NBPF12: variants seen among roughly 807,000 people sequenced by gnomAD.
NBPF12 encodes the protein NBPF family member NBPF12.
A neutral mutation model predicts 146.4 loss-of-function variants in NBPF12; 115 were observed. The observed-to-expected ratio is 0.79, with a 90% CI of 0.68 to 0.92. NBPF12 has a LOEUF of 0.92. NBPF12 is among the 40% of genes least tolerant of loss of function. The probability of loss-of-function intolerance (pLI) is 0.00; values close to 1 mark genes in which losing one functional copy is unlikely to be tolerated. For synonymous variants in NBPF12, 385 were observed against 508.9 expected, an observed-to-expected ratio of 0.76 and a Z score of 3.28; for missense variants, 1,205 against 1,326.8, an observed-to-expected ratio of 0.91 and a Z score of 1.43.
At chr1:146,968,678 C>A in intron 10 of NBPF12, 128 bp downstream of exon 13, 1 of 810,998 alleles carries the variant, frequency 1.2e-6, no homozygotes, top group Admixed American at 2.0e-5. Flanking sequence ...GGCAGGCTCG[C>A]TACACACAAA....
intron 20 of NBPF12, among the ~76,000 whole-genome samples, chr1:146,983,922 C>T (rs1342889066): frequency 9.6e-5 from 14 of 146,158 alleles, no homozygotes; most frequent in African/African-American, 3.3e-4. Flanking sequence ...GATAACATTC[C>T]AACACAGGGG....
In NBPF12 at chr1:146,994,606, C is replaced by T. The variant is rs1163017386; in HGVS notation, c.*31C>T. 7 of 1,588,780 alleles carry T rather than the reference C, an allele frequency of 4.4e-6. No homozygotes were observed. In the Admixed American group the frequency reaches 7.0e-5, roughly 16 times the overall value. Reference sequence around the variant, plus strand: ...CCTTACTAAGCCGAGAGGTTTCATTCCTGCAGGCAGGACCTATAGGCACCT... The same window carrying T: ...CCTTACTAAGCCGAGAGGTTTCATTTCTGCAGGCAGGACCTATAGGCACCT... On this transcript the variant is annotated 3_prime_UTR_variant, in exon 34 of 34. Coordinates refer to ENST00000617844, the Ensembl canonical transcript of NBPF12.
intron 31 of NBPF12, among the ~76,000 whole-genome samples, chr1:146,992,468 G>GTT (rs1658248956): frequency 6.9e-5 from 5 of 72,140 alleles, no homozygotes; most frequent in South Asian, 5.9e-4. Flanking sequence ...CTCTCTGTGT[G>GTT]TGTGTGTGTG....
upstream of NBPF12, among the ~76,000 whole-genome samples, chr1:146,945,461 C>T (rs1417518888): frequency 3.4e-3 from 524 of 151,946 alleles, 8 homozygotes; most frequent in Middle Eastern, 0.024. Context: ...GATCTGCTAG[C>T]TGTGTTCCGG....
upstream of NBPF12, among the ~76,000 whole-genome samples, chr1:146,948,735 G>C (rs1174904112): frequency 1.3e-5 from 2 of 151,718 alleles, no homozygotes; most frequent in Non-Finnish European, 2.9e-5. Context: ...ACCCGTAAAG[G>C]GTCTGTGCTG....
At chr1:146,947,812 G>A (rs1448264553), upstream of NBPF12, among the ~76,000 whole-genome samples, 44 of 151,212 alleles carry the variant, frequency 2.9e-4, no homozygotes, top group Admixed American at 5.3e-4. Context: ...TCTAGGGATG[G>A]TTTTTGGGGG....
chr1:146,984,577 C>CTGTGTGTG (rs1195588193), intron 21 of NBPF12, among the ~76,000 whole-genome samples: 92 of 132,786 alleles, frequency 6.9e-4, no homozygotes, highest in African/African-American at 2.1e-3. Flanking sequence ...TGAGCTCACA[C>CTGTGTGTG]TGTGTGTGTG....
chr1:146,946,127 T>TA (rs1443420869), upstream of NBPF12, among the ~76,000 whole-genome samples: 2 of 152,002 alleles, frequency 1.3e-5, no homozygotes, highest in African/African-American at 2.4e-5. Context: ...GCTTGTTTTG[T>TA]AAAATCACTG....
chr1:146,964,423 C>T lies in NBPF12; in HGVS notation c.560C>T (p.Ala187Val), dbSNP rs1656059441. 37 of 1,600,988 alleles carry T rather than the reference C, an allele frequency of 2.3e-5. 1 individual carries two copies. The South Asian group carries it at 3.6e-4, about 16-fold the overall frequency. ...GATGAGAAAGTACTGGAATCATCTGCCCCCAGGTAACACTGAATACTCAGG... is the reference window on the plus strand; with the variant it reads ...GATGAGAAAGTACTGGAATCATCTGTCCCCAGGTAACACTGAATACTCAGG... Residue 187 changes from alanine to valine, a missense_variant, in exon 7 of 34, where the codon GCC becomes GTC. Ala to Val is a moderately conservative substitution (Grantham distance 64, BLOSUM62 0). Around this residue, in one of 16 missense-constraint regions of NBPF12, gnomAD observed 325 missense variants for 236.6 expected, o/e 1.37. Transcript: ENST00000617844.
At chr1:146,985,934 G>C (rs1251690264) in intron 23 of NBPF12, among the ~76,000 whole-genome samples, 178 bp downstream of exon 26, 26 of 146,572 alleles carry the variant, frequency 1.8e-4, no homozygotes, top group African/African-American at 6.1e-4. Flanking sequence ...TCCTCCCCTT[G>C]TCATTTACTA....
At chr1:146,963,694 T>C (rs1325180071) in intron 6 of NBPF12, among the ~76,000 whole-genome samples, 1 of 151,594 alleles carries the variant, frequency 6.6e-6, no homozygotes, top group Non-Finnish European at 1.5e-5. Context: ...GATTTATCTT[T>C]CCAGAGTTTC....
At chr1:146,970,688 G>A (rs1260241608) in exon 12 of NBPF12, 4 of 1,428,438 alleles carry the variant, frequency 2.8e-6, no homozygotes, top group Middle Eastern at 2.4e-4. Context: ...AGTTGAGGAG[G>A]ATGAGAAAGT....
chr1:146,948,897 A>T (rs1553883611), upstream of NBPF12, among the ~76,000 whole-genome samples: 36,067 of 149,038 alleles, frequency 0.24, 4,245 homozygotes, highest in South Asian at 0.47. Flanking sequence ...CCGCCTTAGG[A>T]CTGGAGGTGG....
intron 33 of NBPF12, among the ~76,000 whole-genome samples, chr1:146,993,963 T>G (rs1553889816): frequency 2.1e-5 from 1 of 48,140 alleles, no homozygotes; most frequent in Non-Finnish European, 3.8e-5. Context: ...TTTGAGCATA[T>G]TTTATGGAAA....
chr1:146,947,316 C>A (rs1487196157), upstream of NBPF12, among the ~76,000 whole-genome samples: 1 of 150,842 alleles, frequency 6.6e-6, no homozygotes, highest in Non-Finnish European at 1.5e-5. Context: ...CTTCTCTTCC[C>A]TGTGACCTGT....
chr1:146,947,209 C>A (rs1655114532), upstream of NBPF12, among the ~76,000 whole-genome samples: 1 of 151,750 alleles, frequency 6.6e-6, no homozygotes, highest in African/African-American at 2.4e-5. Context: ...TTAGTCTGGT[C>A]TTCAAGGAGT....
chr1:146,963,646 TG>T (rs1324259300), intron 6 of NBPF12, among the ~76,000 whole-genome samples: 9 of 152,044 alleles, frequency 5.9e-5, no homozygotes, highest in Admixed American at 4.6e-4. Context: ...GTTCCCAGGC[TG>T]TCTTTTTGGC....
At chr1:146,969,112 A>T (rs1159620285) in intron 10 of NBPF12, among the ~76,000 whole-genome samples, 1 of 151,190 alleles carries the variant, frequency 6.6e-6, no homozygotes, top group African/African-American at 2.4e-5. Flanking sequence ...TCTTTTTGAA[A>T]CGGAATTAGG....
intron 12 of NBPF12, 144 bp downstream of exon 15, chr1:146,970,863 G>T: frequency 1.0e-6 from 1 of 986,072 alleles, no homozygotes; most frequent in Non-Finnish European, 1.6e-6. Flanking sequence ...CTTAGACACA[G>T]GGTGTGGCAG....
Sources: gnomAD v4.1 joint callset for allele counts (sites outside exome capture counted in the v4.1 genomes callset) on GRCh38, gnomAD v4.1.1 for gene constraint, gnomAD v4.1.1 regional missense constraint, MANE v1.5 for transcripts, NCBI Gene and HGNC (gene_info 2026-07-23, HGNC 2026-07-21) for gene names.